SH2B3: variants seen among roughly 807,000 people sequenced by gnomAD.
SH2B3 encodes the protein SH2B adapter protein 3.
Under a neutral mutation model 51.9 loss-of-function variants are expected in SH2B3, and 43 were observed. The observed-to-expected ratio is 0.83, with a 90% CI of 0.65 to 1.07. The LOEUF is 1.07. SH2B3 is among the 50% of genes least tolerant of loss of function. The pLI, the probability that SH2B3 is intolerant of heterozygous loss-of-function variation, is 0.00. For synonymous variants in SH2B3, 396 were observed against 376.0 expected (o/e 1.05, Z -0.62); for missense variants, 952 against 834.3 (o/e 1.14, Z -1.74).
intron 1 of SH2B3, among the ~76,000 whole-genome samples, chr12:111,415,109 C>G (rs919104428): frequency 6.6e-6 from 1 of 152,192 alleles, no homozygotes; most frequent in African/African-American, 2.4e-5. Context: ...TTGGAGGCAG[C>G]AAATGTACCC....
intron 2 of SH2B3, among the ~76,000 whole-genome samples, chr12:111,433,745 A>G (rs1280501154): frequency 6.6e-6 from 1 of 151,966 alleles, no homozygotes; most frequent in Non-Finnish European, 1.5e-5. Flanking sequence ...GTTTTTCACT[A>G]CACTACGTGA....
chr12:111,438,674 G>C lies in SH2B3; in HGVS notation c.733-8079G>C, dbSNP rs766189167. Among the ~76,000 whole-genome samples, 1 of 152,206 alleles carries C rather than the reference G, an allele frequency of 6.6e-6. No individual in the cohort carries two copies. The highest frequency in any genetic ancestry group is 1.5e-5 in the Non-Finnish European group (1 of 68,028). ...GGCAGAGACCTGCATCAAGGAATGC[G>C]CAAGACCAGCTCATAGGACAACAGG... On this transcript the variant is annotated intron_variant, in intron 2 of 7. Transcript: ENST00000341259. This position sits in a 1 kb window ranked among gnomAD's most constrained non-coding sequence, Gnocchi z 4.2.
rs1874203689 is a variant in SH2B3, at chr12:111,447,989, G to A, written c.1415G>A (p.Cys472Tyr). 2.1e-5 allele frequency: 33 copies of A among 1,606,652 alleles called. No individual in the cohort carries two copies. The highest frequency in any genetic ancestry group is 2.7e-5 in the Non-Finnish European group (32 of 1,175,410). ...VVVVSQPPGS[C>Y]NTVLFPFSLP... ...TCTTGGTCACTTGTCCTAGGTTCCT[G>A]CAACACGGTCCTCTTCCCTTTCTCC... The change falls in exon 8 of 8, where the codon TGC (cysteine) becomes TAC (tyrosine). Residue 472 changes from cysteine to tyrosine, a missense_variant. Cys to Tyr is a radical substitution (Grantham distance 194). Coordinates refer to ENST00000341259, the MANE Select transcript of SH2B3 (RefSeq NM_005475.3).
chr12:111,418,810 T>C lies in SH2B3; in HGVS notation c.665T>C (p.Leu222Pro). 7.0e-7 allele frequency: 1 copy of C among 1,437,750 alleles called. No homozygotes were observed. The highest frequency in any genetic ancestry group is 9.0e-7 in the Non-Finnish European group (1 of 1,107,690). The allele number at this position is 1,437,750 out of a possible 1,614,324, so 89.1% of individuals were successfully genotyped here. A position where few individuals can be genotyped will look rare whatever the true frequency, so the allele number is the denominator to read the frequency against. Reference protein sequence around the residue: ...DSGARWQRGRLALRRAPGPDG... With the variant: ...DSGARWQRGRPALRRAPGPDG... ...GGGGCACGCTGGCAGCGCGGGAGGC[T>C]GGCGCTGCGCCGGGCCCCGGGCCCC... Residue 222 changes from leucine (L) to proline (P), a missense_variant, in exon 2 of 8, where the codon CTG becomes CCG. Leu to Pro is a moderately conservative substitution (Grantham distance 98, BLOSUM62 -3). Transcript: ENST00000341259. The surrounding 1 kb of genome is among the most constrained non-coding windows in gnomAD (Gnocchi z 6.7).
intron 2 of SH2B3, among the ~76,000 whole-genome samples, chr12:111,437,335 C>T (rs554893891): frequency 6.6e-6 from 1 of 152,296 alleles, no homozygotes; most frequent in Admixed American, 6.5e-5. Context: ...TTCTGGCAGC[C>T]ATGTGGCTTT....
rs538121778 is a variant in SH2B3 at position 111,422,148 on chromosome 12, C to T, written c.732+3271C>T. On this transcript the variant is annotated intron_variant, in intron 2 of 7. Coordinates refer to ENST00000341259, the MANE Select transcript of SH2B3 (RefSeq NM_005475.3). ...AGGCTGGAGTGCAGAGGCACAATCT[C>T]GGCTCACTGCAACCTCCGTCTCCTG... Among the ~76,000 whole-genome samples the T allele has an allele frequency of 9.8e-5, 15 of 152,310 alleles. No individual in the cohort carries two copies. The South Asian group carries it at 2.3e-3, about 23-fold the overall frequency.
intron 2 of SH2B3, among the ~76,000 whole-genome samples, chr12:111,444,535 C>T (rs1236811615): frequency 1.3e-5 from 2 of 152,210 alleles, no homozygotes; most frequent in Non-Finnish European, 2.9e-5. Flanking sequence ...CACCCAACCA[C>T]AGTAGAGCCT....
Position 111,407,541 on chromosome 12 carries a change from T to C in SH2B3, c.-28+1264T>C, listed in dbSNP as rs945751297. ...ACAGCTCTGGAGGCTCCTCGGGACC[T>C]GCCCTCGTGGAGGGAGAGCCGTCAG... On this transcript the variant is annotated intron_variant, in intron 1 of 7. Coordinates refer to ENST00000341259, the MANE Select transcript of SH2B3 (RefSeq NM_005475.3). This position sits in a 1 kb window ranked among gnomAD's most constrained non-coding sequence, Gnocchi z 4.3. 1.3e-5 allele frequency among the ~76,000 whole-genome samples: 2 copies of C among 152,152 alleles called. No individual in the cohort carries two copies. The highest frequency in any genetic ancestry group is 4.8e-5 in the African/African-American group (2 of 41,442).
chr12:111,430,737 G>A (rs1450839592), intron 2 of SH2B3, among the ~76,000 whole-genome samples: 2 of 152,194 alleles, frequency 1.3e-5, no homozygotes, highest in Non-Finnish European at 2.9e-5. Flanking sequence ...CAGAAAATGG[G>A]ATGCCAGCAC....
Position 111,418,826 on chromosome 12 carries a change from C to T in SH2B3, c.681C>T (p.Ala227=), listed in dbSNP as rs1242642302. The T allele has an allele frequency of 2.1e-6, 3 of 1,424,514 alleles. No individual in the cohort carries two copies. Among genetic ancestry groups the T allele is most frequent in the Admixed American group, 3.3e-5 (1 of 30,068 alleles). 88.2% of individuals were successfully genotyped at this position (1,424,514 alleles called of 1,614,324 possible). The change falls in exon 2 of 8, where the codon GCC becomes GCT. Residue 227 remains alanine, a synonymous_variant. Coordinates refer to ENST00000341259, the MANE Select transcript of SH2B3 (RefSeq NM_005475.3). The surrounding 1 kb of genome is among the most constrained non-coding windows in gnomAD (Gnocchi z 6.7). ...WQRGRLALRR[A]PGPDGPDRVL... is the part of the protein sequence containing the mutation. ...GCGGGAGGCTGGCGCTGCGCCGGGC[C>T]CCGGGCCCCGATGGCCCCGACCGCG...
intron 2 of SH2B3, among the ~76,000 whole-genome samples, chr12:111,422,567 T>TG (rs1254451932): frequency 2.0e-5 from 3 of 151,962 alleles, no homozygotes; most frequent in African/African-American, 7.2e-5. Context: ...AGTTTTGTTT[T>TG]TTTTTTTTCT....
rs1874372907 is a variant in SH2B3 at position 111,449,328 on chromosome 12, A to G, written c.*1026A>G. On this transcript the variant is annotated 3_prime_UTR_variant, in exon 8 of 8. Transcript: ENST00000341259. ...AACAAGGCTGGCTTGGTGCCCTCCA[A>G]GCATCTAATGGCTTATTAAATTATC... is the stretch of plus-strand genomic sequence containing the variant. The G allele has an allele frequency of 1.3e-5, 2 of 152,348 alleles. No individual in the cohort carries two copies. Among genetic ancestry groups the G allele is most frequent in the South Asian group, 4.1e-4 (2 of 4,832 alleles). The allele number at this position is 152,348 out of a possible 1,614,324, so 9.4% of individuals were successfully genotyped here.
chr12:111,416,882 C>T (rs1044533267), intron 1 of SH2B3, among the ~76,000 whole-genome samples: 10 of 152,204 alleles, frequency 6.6e-5, no homozygotes, highest in Non-Finnish European at 4.4e-5. Context: ...TGGTTACTTC[C>T]CCACCATCCC....
In SH2B3 at chr12:111,406,319, G is replaced by A. The variant is rs1302545876; in HGVS notation, c.-28+42G>A. On this transcript the variant is annotated intron_variant, in intron 1 of 7. Transcript: ENST00000341259. The surrounding 1 kb of genome is among the most constrained non-coding windows in gnomAD (Gnocchi z 5.7). The stretch of plus-strand genomic sequence containing the variant: ...CCGCGCTCCCCTCCTCCGGGGCCGG[G>A]AGGGCTTTTGTGGGGAAAGAGGAGG... 6.6e-6 allele frequency: 1 copy of A among 152,274 alleles called. No individual in the cohort carries two copies. The highest frequency in any genetic ancestry group is 1.5e-5 in the Non-Finnish European group (1 of 68,088). The allele number at this position is 152,274 out of a possible 1,614,324, so 9.4% of individuals were successfully genotyped here.
rs1458669021 is a variant in SH2B3 at position 111,418,325 on chromosome 12, C to A, written c.180C>A (p.Ala60=). The A allele has an allele frequency of 2.6e-6, 4 of 1,525,904 alleles. No homozygotes were observed. The African/African-American group carries it at 4.2e-5, about 16-fold the overall frequency. The allele number at this position is 1,525,904 out of a possible 1,614,324, so 94.5% of individuals were successfully genotyped here. A position where few individuals can be genotyped will look rare whatever the true frequency, so the allele number is the denominator to read the frequency against. ...REHPQHAPLR[A]ELVSLQFTDL... is the part of the protein sequence containing the mutation. The stretch of plus-strand genomic sequence containing the variant: ...ATCCGCAGCACGCGCCGCTGCGCGC[C>A]GAGCTGGTGTCGCTGCAGTTCACCG... Residue 60 remains alanine (A), a synonymous_variant, in exon 2 of 8, where the codon GCC becomes GCA. Coordinates refer to ENST00000341259, the MANE Select transcript of SH2B3 (RefSeq NM_005475.3). The surrounding 1 kb of genome is among the most constrained non-coding windows in gnomAD (Gnocchi z 6.7).
In SH2B3 at chr12:111,447,455, C is replaced by G. The variant is rs201817686; in HGVS notation, c.1147C>G (p.Pro383Ala). The G allele has an allele frequency of 6.2e-7, 1 of 1,612,916 alleles. No individual in the cohort carries two copies. Among genetic ancestry groups the G allele is most frequent in the South Asian group, 1.1e-5 (1 of 91,060 alleles). Reference sequence around the variant, plus strand: ...AGCTCAGCTGGTTCAGCTGCAGGGCCCTGATGCTCATGGAGTGTTCCTGGT... The same window carrying G: ...AGCTCAGCTGGTTCAGCTGCAGGGCGCTGATGCTCATGGAGTGTTCCTGGT... ...KAAQLVQLQG[P>A]DAHGVFLVRQ... is the part of the protein sequence containing the mutation. Residue 383 changes from proline to alanine, a missense_variant, in exon 6 of 8, where the codon CCT becomes GCT. Pro to Ala is a conservative substitution (Grantham distance 27, BLOSUM62 -1). Coordinates refer to ENST00000341259, the MANE Select transcript of SH2B3 (RefSeq NM_005475.3).
intron 2 of SH2B3, among the ~76,000 whole-genome samples, chr12:111,425,227 C>T (rs868753286): frequency 6.6e-6 from 1 of 151,950 alleles, no homozygotes; most frequent in African/African-American, 2.4e-5. Context: ...TGGGGGTGTG[C>T]AAGGGGAGGC....
intron 2 of SH2B3, among the ~76,000 whole-genome samples, chr12:111,445,616 C>T (rs1873877070): frequency 6.6e-6 from 1 of 152,266 alleles, no homozygotes; most frequent in Admixed American, 6.5e-5. Context: ...TACTCTCCCC[C>T]AGCCTGTTGT....
At chr12:111,423,536 A>T (rs879303245) in intron 2 of SH2B3, among the ~76,000 whole-genome samples, 3 of 151,810 alleles carry the variant, frequency 2.0e-5, no homozygotes, top group Non-Finnish European at 4.4e-5. Flanking sequence ...CACCTGGCTA[A>T]TTTTTTTGTA....
Sources: allele counts gnomAD v4.1 joint callset (sites outside exome capture counted in the v4.1 genomes callset), GRCh38; gene constraint gnomAD v4.1.1; non-coding constraint Gnocchi (gnomAD v3.1); transcripts MANE v1.5; gene names NCBI Gene and HGNC (gene_info 2026-07-23, HGNC 2026-07-21).